SQOR: variants seen among roughly 807,000 people sequenced by gnomAD.
SQOR encodes sulfide quinone oxidoreductase.
A neutral mutation model predicts 48.6 loss-of-function variants in SQOR; 39 were observed. The ratio of observed to expected loss-of-function variants is 0.80; its 90% CI spans 0.62 to 1.05. The LOEUF is 1.05. Ranked by LOEUF, SQOR falls within the 50% of genes least tolerant of loss-of-function variation. The probability of loss-of-function intolerance (pLI) is 0.00; values close to 1 mark genes in which losing one functional copy is unlikely to be tolerated. For missense variants in SQOR, 561 were observed against 559.9 expected (o/e 1.00, Z -0.02); for synonymous variants, 220 against 206.2 (o/e 1.07, Z -0.57).
intron 7 of SQOR, 35 bp from the exon 8 acceptor site, chr15:45,688,302 C>A (rs199580323): frequency 1.9e-5 from 28 of 1,483,792 alleles, no homozygotes; most frequent in Non-Finnish European, 2.2e-5. Flanking sequence ...AACCTTGATG[C>A]TTACATTTTT....
intron 7 of SQOR, among the ~76,000 whole-genome samples, chr15:45,684,578 T>G (rs1284516469): frequency 6.8e-6 from 1 of 147,938 alleles, no homozygotes; most frequent in African/African-American, 2.5e-5. Context: ...ACTTCCTCAC[T>G]GGGTTAAGGG....
At chr15:45,676,362 C>T in intron 6 of SQOR, 52 bp downstream of exon 6, 2 of 1,560,930 alleles carry the variant, frequency 1.3e-6, no homozygotes, top group Non-Finnish European at 1.8e-6. Context: ...CTGAAACGTG[C>T]CATAGATACA....
intron 1 of SQOR, among the ~76,000 whole-genome samples, chr15:45,635,445 A>G (rs1595568015): frequency 6.6e-6 from 1 of 152,088 alleles, no homozygotes; most frequent in African/African-American, 2.4e-5. Flanking sequence ...CCACCTGTTG[A>G]CTGTCACTCG....
At chr15:45,660,566 A>T (rs1889700810) in intron 2 of SQOR, among the ~76,000 whole-genome samples, 1 of 152,214 alleles carries the variant, frequency 6.6e-6, no homozygotes, top group Non-Finnish European at 1.5e-5. Flanking sequence ...GAGGAAGTAC[A>T]GGACAGGAAT....
At chr15:45,643,119 G>A (rs1895134783) in intron 1 of SQOR, among the ~76,000 whole-genome samples, 2 of 152,158 alleles carry the variant, frequency 1.3e-5, no homozygotes, top group Non-Finnish European at 2.9e-5. Context: ...GAGTGGGAGG[G>A]GGTCAGGCCT....
chr15:45,675,213 T>C (rs1333376745), intron 5 of SQOR, among the ~76,000 whole-genome samples: 1 of 152,124 alleles, frequency 6.6e-6, no homozygotes, highest in Non-Finnish European at 1.5e-5. Context: ...GAAACTTCTT[T>C]GTGTAACTCT....
chr15:45,651,969 A>ACC (rs566209168), intron 1 of SQOR, among the ~76,000 whole-genome samples: 1 of 150,140 alleles, frequency 6.7e-6, no homozygotes, highest in Admixed American at 6.6e-5. Flanking sequence ...GCTCACTGCA[A>ACC]CCCCCCGCCT....
chr15:45,637,773 T>C (rs112351002), intron 1 of SQOR, among the ~76,000 whole-genome samples: 217 of 152,344 alleles, frequency 1.4e-3, no homozygotes, highest in African/African-American at 5.1e-3. Flanking sequence ...CTAGCTTTGT[T>C]AATCCGATGT....
intron 5 of SQOR, among the ~76,000 whole-genome samples, chr15:45,675,689 T>C (rs1246601515): frequency 6.6e-6 from 1 of 152,114 alleles, no homozygotes; most frequent in Non-Finnish European, 1.5e-5. Context: ...TGTGAGGTAC[T>C]GCGCCTGGCT....
At chr15:45,657,315 A>G (rs1029003867) in intron 1 of SQOR, among the ~76,000 whole-genome samples, 6 of 151,604 alleles carry the variant, frequency 4.0e-5, no homozygotes, top group Admixed American at 1.3e-4. Flanking sequence ...CCACAAACCA[A>G]TTAGTAGAGG....
At chr15:45,654,015 A>G in intron 1 of SQOR, among the ~76,000 whole-genome samples, 1 of 151,794 alleles carries the variant, frequency 6.6e-6, no homozygotes, top group African/African-American at 2.4e-5. Context: ...CCAGCTACTC[A>G]GGAGGCTGAA....
chr15:45,675,940 G>C (rs1890028109), intron 5 of SQOR, among the ~76,000 whole-genome samples, 161 bp from the exon 6 acceptor site: 1 of 152,050 alleles, frequency 6.6e-6, no homozygotes, highest in African/African-American at 2.4e-5. Flanking sequence ...CAGAACATAA[G>C]GAGGAGGCAG....
intron 1 of SQOR, among the ~76,000 whole-genome samples, chr15:45,640,529 T>C (rs575626407): frequency 2.6e-5 from 4 of 152,216 alleles, no homozygotes; most frequent in Admixed American, 6.5e-5. Context: ...CTGTCTCAAC[T>C]ATTAAAGGAT....
At position 45,651,320 on chromosome 15, in the gene SQOR, C is replaced by T. The variant is rs994825661; in HGVS notation, c.-17-7587C>T. ...CCAAGTGCGGGGCCTGCTGAGCCCA[C>T]GCCCACCCAGAACTCGTGCTGGCCC... On this transcript the variant is annotated intron_variant, in intron 1 of 9. Coordinates refer to ENST00000260324, the MANE Select transcript of SQOR (RefSeq NM_021199.4). Among the ~76,000 whole-genome samples the T allele has an allele frequency of 3.7e-4, 57 of 152,212 alleles. 1 individual carries two copies. The highest frequency in any genetic ancestry group is 1.3e-3 in the African/African-American group (54 of 41,462).
chr15:45,683,203 C>T (rs1890155545), intron 7 of SQOR, among the ~76,000 whole-genome samples: 1 of 149,882 alleles, frequency 6.7e-6, no homozygotes, highest in Non-Finnish European at 1.5e-5. Context: ...CATCACTTTT[C>T]TAGCTCTCTT....
At position 45,676,283 on chromosome 15, in the gene SQOR, C is replaced by T. The variant is rs370042651; in HGVS notation, c.837C>T (p.Asp279=). ...AAGAGGCTGTATTTGAGAACCTGGA[C>T]AAACCAGGAGAGACCCAAGTGATTT... ...DKQEAVFENL[D]KPGETQVISY... is the part of the protein sequence containing the mutation. The change falls in exon 6 of 10, where the codon GAC becomes GAT. Residue 279 remains aspartate (D), a synonymous_variant. Transcript: ENST00000260324. The T allele has an allele frequency of 1.2e-6, 2 of 1,613,928 alleles. No individual in the cohort carries two copies. The highest frequency in any genetic ancestry group is 2.7e-5 in the African/African-American group (2 of 74,898).
chr15:45,637,753 T>C (rs1895029387), intron 1 of SQOR, among the ~76,000 whole-genome samples: 1 of 152,238 alleles, frequency 6.6e-6, no homozygotes, highest in Non-Finnish European at 1.5e-5. Flanking sequence ...CTCCTCCATG[T>C]TGCCTGTGTC....
At chr15:45,643,720 G>C (rs899946279) in intron 1 of SQOR, among the ~76,000 whole-genome samples, 1 of 152,148 alleles carries the variant, frequency 6.6e-6, no homozygotes, top group Admixed American at 6.5e-5. Flanking sequence ...ATTCAGTGTA[G>C]GTATAAACCT....
chr15:45,660,106 C>G (rs1889692892), intron 2 of SQOR, among the ~76,000 whole-genome samples: 1 of 152,220 alleles, frequency 6.6e-6, no homozygotes, highest in Non-Finnish European at 1.5e-5. Flanking sequence ...TGTCCAAAAG[C>G]TTCAGAAAAA....
Sources: gnomAD v4.1 joint callset for allele counts (sites outside exome capture counted in the v4.1 genomes callset) on GRCh38, gnomAD v4.1.1 for gene constraint, MANE v1.5 for transcripts, NCBI Gene and HGNC (gene_info 2026-07-23, HGNC 2026-07-21) for gene names.